KIAA1549L: variants seen among roughly 807,000 people sequenced by gnomAD.
The protein encoded by KIAA1549L is KIAA1549 like, also known as UPF0606 protein KIAA1549L.
KIAA1549L carries 88 observed loss-of-function variants against 160.7 expected under a neutral mutation model. That is an observed-to-expected ratio of 0.55 (90% confidence interval 0.46 to 0.65). The LOEUF (loss-of-function observed/expected upper bound fraction) is 0.65. Ranked by LOEUF, KIAA1549L falls within the 30% of genes least tolerant of loss-of-function variation. The pLI is 0.00. For synonymous variants in KIAA1549L, 950 were observed against 976.7 expected (o/e 0.97, Z 0.51); for missense variants, 2,258 against 2,437.5 (o/e 0.93, Z 1.55).
At chr11:33,557,230 C>T (rs1258020300) in intron 6 of KIAA1549L, among the ~76,000 whole-genome samples, 1 of 152,218 alleles carries the variant, frequency 6.6e-6, no homozygotes, top group East Asian at 1.9e-4. Context: ...CTCAAGTGAT[C>T]CATCTGCCTT....
intron 1 of KIAA1549L, among the ~76,000 whole-genome samples, chr11:33,400,125 G>T (rs537425872): frequency 6.6e-6 from 1 of 152,028 alleles, no homozygotes; most frequent in African/African-American, 2.4e-5. Context: ...GACCTTTCAC[G>T]TACAGCACAT....
intron 1 of KIAA1549L, among the ~76,000 whole-genome samples, chr11:33,468,249 A>T (rs566311806): frequency 6.6e-6 from 1 of 152,352 alleles, no homozygotes; most frequent in East Asian, 1.9e-4. Context: ...ACAAGGGTAT[A>T]CATTTTCATA....
chr11:33,631,000 G>T (rs151317080), intron 16 of KIAA1549L, among the ~76,000 whole-genome samples: 1 of 152,182 alleles, frequency 6.6e-6, no homozygotes, highest in Non-Finnish European at 1.5e-5. Flanking sequence ...GTGGAGGCAC[G>T]TGCAACGTAC....
chr11:33,667,921 C>T lies in KIAA1549L; in HGVS notation c.6208C>T (p.Gln2070Ter), dbSNP rs1564951478. 1 of 1,613,740 alleles carries T rather than the reference C, an allele frequency of 6.2e-7. No homozygotes were observed. The highest frequency in any genetic ancestry group is 8.5e-7 in the Non-Finnish European group (1 of 1,179,822). Residue 2070 changes from glutamine to a stop codon, truncating the protein, a stop_gained, in exon 21 of 21, where the codon CAG becomes TAG. Coordinates refer to ENST00000658780, the MANE Select transcript of KIAA1549L (RefSeq NM_012194.3). LOFTEE classifies it high-confidence loss of function. ...IEAYPRSRYP[Q>*]SSPSRLPRQY... is the part of the protein sequence containing the mutation. ...GGCCTACCCCCGATCACGGTACCCC[C>T]AGAGCTCTCCCTCCAGGCTTCCTCG...
At chr11:33,388,589 A>G (rs1327601641) in intron 1 of KIAA1549L, among the ~76,000 whole-genome samples, 2 of 152,172 alleles carry the variant, frequency 1.3e-5, no homozygotes, top group African/African-American at 2.4e-5. Flanking sequence ...AAAAGGTATA[A>G]TATTCAGCAA....
chr11:33,643,391 C>T (rs1039411398), intron 16 of KIAA1549L, among the ~76,000 whole-genome samples: 2 of 152,160 alleles, frequency 1.3e-5, no homozygotes, highest in African/African-American at 4.8e-5. Context: ...GGAGATGTTG[C>T]TAAGGAGTAT....
intron 1 of KIAA1549L, among the ~76,000 whole-genome samples, chr11:33,478,279 A>C (rs1362699672): frequency 1.3e-5 from 2 of 149,440 alleles, no homozygotes; most frequent in African/African-American, 4.9e-5. Context: ...CACAGAGGCA[A>C]GTTTTGTTCT....
chr11:33,489,575 T>C (rs755639328), intron 1 of KIAA1549L, among the ~76,000 whole-genome samples: 2 of 152,206 alleles, frequency 1.3e-5, no homozygotes, highest in African/African-American at 4.8e-5. Flanking sequence ...TTTTGCTCCA[T>C]GTAGTCATTC....
chr11:33,650,193 T>C (rs1367204232), intron 17 of KIAA1549L, among the ~76,000 whole-genome samples: 4 of 152,162 alleles, frequency 2.6e-5, no homozygotes, highest in African/African-American at 9.7e-5. Context: ...GGAATGGGGC[T>C]CTCTGCCTTG....
intron 1 of KIAA1549L, among the ~76,000 whole-genome samples, chr11:33,430,048 T>TCCCC (rs1851202741): frequency 6.9e-6 from 1 of 145,044 alleles, no homozygotes; most frequent in African/African-American, 2.6e-5. Flanking sequence ...CCTTCCTTCC[T>TCCCC]CCCTTCCCTC....
At chr11:33,581,197 C>A (rs1358364211) in intron 10 of KIAA1549L, among the ~76,000 whole-genome samples, 1 of 152,182 alleles carries the variant, frequency 6.6e-6, no homozygotes. Context: ...ACTAGCCATC[C>A]ACTGGACCCT....
intron 12 of KIAA1549L, among the ~76,000 whole-genome samples, chr11:33,597,709 G>A (rs985410722): frequency 2.4e-4 from 37 of 152,162 alleles, no homozygotes; most frequent in Admixed American, 1.4e-3. Context: ...TCCAGAAGAT[G>A]AGAGTCCCGC....
chr11:33,500,983 G>C (rs1026716633), intron 1 of KIAA1549L, among the ~76,000 whole-genome samples: 1 of 151,942 alleles, frequency 6.6e-6, no homozygotes, highest in East Asian at 1.9e-4. Context: ...TTGCTAGTAA[G>C]TAGAGACAAA....
intron 1 of KIAA1549L, among the ~76,000 whole-genome samples, chr11:33,459,951 A>G (rs920372454): frequency 5.1e-5 from 5 of 98,390 alleles, no homozygotes; most frequent in Non-Finnish European, 9.6e-5. Flanking sequence ...ACAGAGCGAG[A>G]CTCCGTCTCA....
At chr11:33,570,235 C>T (rs192696276) in intron 9 of KIAA1549L, among the ~76,000 whole-genome samples, 26 of 152,210 alleles carry the variant, frequency 1.7e-4, no homozygotes, top group Non-Finnish European at 2.9e-4. Flanking sequence ...AACTCCTGAC[C>T]TCATGATCCA....
At chr11:33,645,663 A>G (rs767604379) in intron 16 of KIAA1549L, 23 bp from the exon 17 acceptor site, 23 of 1,559,376 alleles carry the variant, frequency 1.5e-5, no homozygotes, top group South Asian at 2.2e-5. Flanking sequence ...AAACACATCA[A>G]TGGGCTTTGT....
chr11:33,473,548 G>A (rs1852226374), intron 1 of KIAA1549L, among the ~76,000 whole-genome samples: 1 of 152,144 alleles, frequency 6.6e-6, no homozygotes, highest in Non-Finnish European at 1.5e-5. Flanking sequence ...CTTCTCAAAG[G>A]CCCTGTCTTA....
At chr11:33,402,224 T>C (rs1195953489) in intron 1 of KIAA1549L, among the ~76,000 whole-genome samples, 1 of 152,178 alleles carries the variant, frequency 6.6e-6, no homozygotes, top group Non-Finnish European at 1.5e-5. Flanking sequence ...GCTGTATTCC[T>C]AGTCTTGGTG....
chr11:33,447,523 C>T (rs1851637762), intron 1 of KIAA1549L, among the ~76,000 whole-genome samples: 1 of 136,850 alleles, frequency 7.3e-6, no homozygotes, highest in African/African-American at 2.8e-5. Flanking sequence ...TCCATCCTTC[C>T]ACTCACCCAT....
Sources: allele counts gnomAD v4.1 joint callset (sites outside exome capture counted in the v4.1 genomes callset), GRCh38; gene constraint gnomAD v4.1.1; transcripts MANE v1.5; gene names NCBI Gene and HGNC (gene_info 2026-07-23, HGNC 2026-07-21).